Variants in MYO9A observed in about 807,000 individuals in gnomAD.
MYO9A encodes the protein myosin IXA.
MYO9A carries 103 observed loss-of-function variants against 293.3 expected under a neutral mutation model. The observed-to-expected ratio is 0.35, with a 90% CI of 0.30 to 0.41. The LOEUF is 0.41. Ranked by LOEUF, MYO9A falls within the 10% of genes least tolerant of loss-of-function variation. The probability of loss-of-function intolerance (pLI) is 1.00; values close to 1 mark genes in which losing one functional copy is unlikely to be tolerated. For missense variants in MYO9A, 2,685 were observed against 3,033.0 expected (o/e 0.89, Z 2.69); for synonymous variants, 1,001 against 1,035.7 (o/e 0.97, Z 0.64).
intron 39 of MYO9A, among the ~76,000 whole-genome samples, chr15:71,835,170 C>T (rs1329206140): frequency 1.3e-5 from 2 of 152,172 alleles, no homozygotes; most frequent in South Asian, 2.1e-4. Flanking sequence ...AAAGTACCTA[C>T]AAAAATTCTA....
Position 72,019,049 on chromosome 15 carries a change from T to C in MYO9A, c.1145A>G (p.Asp382Gly). 1 of 1,613,648 alleles carries C rather than the reference T, an allele frequency of 6.2e-7. No individual in the cohort carries two copies. Among genetic ancestry groups the C allele is most frequent in the Non-Finnish European group, 8.5e-7 (1 of 1,179,750 alleles). Residue 382 changes from aspartate (D) to glycine (G), a missense_variant, in exon 6 of 42, where the codon GAC (aspartate) becomes GGC (glycine). Physicochemically the swap from Asp to Gly is moderately conservative, Grantham distance 94 (BLOSUM62 -1). Coordinates refer to ENST00000356056, the MANE Select transcript of MYO9A (RefSeq NM_006901.4). ...LRQSWDDYCY[D>G]SEPDCFTVEG... is the part of the protein sequence containing the mutation. ...GGTACTTGTACTGACCGGCTCAGAG[T>C]CATAGCAATAATCATCCCAGCTCTG...
chr15:72,092,492 C>G (rs2150643426), intron 1 of MYO9A, among the ~76,000 whole-genome samples: 1 of 152,186 alleles, frequency 6.6e-6, no homozygotes, highest in African/African-American at 2.4e-5. Context: ...CAGCAGGATC[C>G]CTTGAGCCCA....
chr15:72,014,417 G>C (rs1033158384), intron 6 of MYO9A, among the ~76,000 whole-genome samples: 1 of 152,202 alleles, frequency 6.6e-6, no homozygotes, highest in Non-Finnish European at 1.5e-5. Flanking sequence ...CAGGCACGGT[G>C]GCTCATGCCT....
chr15:71,862,477 C>T (rs778079419), intron 33 of MYO9A, 23 bp downstream of exon 33: 2 of 1,515,494 alleles, frequency 1.3e-6, no homozygotes, highest in African/African-American at 2.8e-5. Context: ...TAAAAATATT[C>T]CTCAAAGATC....
intron 1 of MYO9A, among the ~76,000 whole-genome samples, chr15:72,111,434 A>G (rs1285589362): frequency 6.6e-6 from 1 of 151,368 alleles, no homozygotes; most frequent in Non-Finnish European, 1.5e-5. Context: ...GGTTGCAGTG[A>G]GCCGAGATTG....
intron 1 of MYO9A, among the ~76,000 whole-genome samples, chr15:72,094,432 A>C (rs2080013780): frequency 1.1e-5 from 1 of 91,200 alleles, no homozygotes; most frequent in African/African-American, 2.6e-5. Context: ...CCATCTTCTA[A>C]CAGCATGTGC....
chr15:71,978,092 T>C (rs1190180304), intron 12 of MYO9A, 79 bp downstream of exon 12: 1 of 1,507,222 alleles, frequency 6.6e-7, no homozygotes, highest in African/African-American at 1.4e-5. Context: ...TATTTGGTAA[T>C]GTAAGAAAAA....
At chr15:72,111,638 ATTT>A (rs11286964) in intron 1 of MYO9A, among the ~76,000 whole-genome samples, 8 of 135,484 alleles carry the variant, frequency 5.9e-5, no homozygotes, top group East Asian at 2.1e-4. Context: ...ATTACCCCCA[ATTT>A]TTTTTTTTTT....
intron 35 of MYO9A, among the ~76,000 whole-genome samples, chr15:71,853,584 T>C (rs1321134868): frequency 6.6e-6 from 1 of 152,204 alleles, no homozygotes; most frequent in African/African-American, 2.4e-5. Flanking sequence ...GATTTGTTCA[T>C]AAGAAACAGC....
chr15:71,874,104 G>A (rs1293490407), intron 32 of MYO9A, among the ~76,000 whole-genome samples: 2 of 152,292 alleles, frequency 1.3e-5, no homozygotes, highest in African/African-American at 4.8e-5. Flanking sequence ...CTGTACTTGT[G>A]AAAAGGCAGA....
At chr15:72,033,855 A>G (rs1335545072) in intron 2 of MYO9A, among the ~76,000 whole-genome samples, 1 of 152,240 alleles carries the variant, frequency 6.6e-6, no homozygotes, top group Non-Finnish European at 1.5e-5. Flanking sequence ...CCCTAGCCTG[A>G]GCAATCACAT....
intron 1 of MYO9A, among the ~76,000 whole-genome samples, chr15:72,097,057 T>C (rs1292467228): frequency 6.6e-6 from 1 of 152,206 alleles, no homozygotes; most frequent in Non-Finnish European, 1.5e-5. Flanking sequence ...ACTGTTGAAA[T>C]GACAACGAAG....
intron 6 of MYO9A, among the ~76,000 whole-genome samples, chr15:72,016,826 C>T (rs2077353835): frequency 1.3e-5 from 2 of 152,020 alleles, no homozygotes; most frequent in African/African-American, 4.8e-5. Flanking sequence ...GTAATGATGA[C>T]TTCAATGGTG....
chr15:71,844,538 C>G (rs1033053462), intron 39 of MYO9A, among the ~76,000 whole-genome samples: 2 of 152,000 alleles, frequency 1.3e-5, no homozygotes, highest in African/African-American at 4.8e-5. Context: ...AAACAGGATA[C>G]CCTATTTGAG....
chr15:71,986,657 T>C (rs541432108), intron 11 of MYO9A, among the ~76,000 whole-genome samples: 6 of 152,358 alleles, frequency 3.9e-5, no homozygotes, highest in African/African-American at 1.4e-4. Context: ...AAAAAAGTTT[T>C]TAAAGTTTTA....
At chr15:71,899,616 G>T in intron 24 of MYO9A, 71 bp downstream of exon 24, 1 of 1,310,556 alleles carries the variant, frequency 7.6e-7, no homozygotes, top group Non-Finnish European at 1.1e-6. Flanking sequence ...TTAGACAAGT[G>T]TTAATGCAGA....
chr15:72,022,774 G>C (rs980022643), intron 4 of MYO9A, among the ~76,000 whole-genome samples: 1 of 151,844 alleles, frequency 6.6e-6, no homozygotes, highest in Non-Finnish European at 1.5e-5. Flanking sequence ...TCTCGAACTC[G>C]TGGGGGCTCA....
At chr15:71,961,461 T>C (rs945244867) in intron 13 of MYO9A, among the ~76,000 whole-genome samples, 1 of 152,198 alleles carries the variant, frequency 6.6e-6, no homozygotes, top group African/African-American at 2.4e-5. Context: ...CTTGAGAGGT[T>C]AGTATGTGTC....
chr15:71,932,203 C>T (rs1437313906), intron 18 of MYO9A, among the ~76,000 whole-genome samples: 1 of 152,108 alleles, frequency 6.6e-6, no homozygotes, highest in Non-Finnish European at 1.5e-5. Context: ...CTCTGCACTA[C>T]GCTGAAGAGA....
Sources: gnomAD v4.1 joint callset for allele counts (sites outside exome capture counted in the v4.1 genomes callset) on GRCh38, gnomAD v4.1.1 for gene constraint, MANE v1.5 for transcripts, NCBI Gene and HGNC (gene_info 2026-07-23, HGNC 2026-07-21) for gene names.